PPP1R1C: variants seen among roughly 807,000 people sequenced by gnomAD.
PPP1R1C encodes protein phosphatase 1 regulatory inhibitor subunit 1C.
PPP1R1C carries 15 observed loss-of-function variants against 17.4 expected under a neutral mutation model. The ratio of observed to expected loss-of-function variants is 0.86; its 90% CI spans 0.58 to 1.33. PPP1R1C has a LOEUF of 1.33. Among genes scored for constraint, PPP1R1C ranks in the 40% most tolerant of loss-of-function variants. The probability of loss-of-function intolerance (pLI) is 0.00; values close to 1 mark genes in which losing one functional copy is unlikely to be tolerated. For missense variants in PPP1R1C, 143 were observed against 130.0 expected (o/e 1.10, Z -0.48); for synonymous variants, 35 against 43.1 (o/e 0.81, Z 0.73).
At chr2:182,110,186 T>G (rs1689374536) in intron 4 of PPP1R1C, among the ~76,000 whole-genome samples, 1 of 152,196 alleles carries the variant, frequency 6.6e-6, no homozygotes, top group South Asian at 2.1e-4. Context: ...TACTCTGATT[T>G]GATCATTTCA....
At chr2:182,016,439 G>A (rs952093863) in intron 2 of PPP1R1C, among the ~76,000 whole-genome samples, 1 of 152,168 alleles carries the variant, frequency 6.6e-6, no homozygotes, top group African/African-American at 2.4e-5. Flanking sequence ...ATGACTGCTA[G>A]AGGCTTCTAT....
intron 2 of PPP1R1C, among the ~76,000 whole-genome samples, chr2:182,058,544 T>C (rs566630041): frequency 3.5e-4 from 53 of 152,234 alleles, no homozygotes; most frequent in African/African-American, 1.3e-3. Context: ...GAGTGGGAAA[T>C]TGTGCTCTCA....
At position 181,961,925 on chromosome 2, in the gene PPP1R1C, A is replaced by T; in HGVS notation, n.111+7291A>T. 2.7e-6 allele frequency: 2 copies of T among 745,008 alleles called. No individual in the cohort carries two copies. Among genetic ancestry groups the T allele is most frequent in the Admixed American group, 3.4e-5 (2 of 58,094 alleles). The allele number at this position is 745,008 out of a possible 1,614,324, so 46.1% of individuals were successfully genotyped here. ...ACATTGGTCATCAGTGACCTTGTGG[A>T]GCCCATGGATGTCACTCCCCACAGA... On this transcript the variant is annotated intron_variant and non_coding_transcript_variant, in intron 1 of 5. Coordinates refer to the PPP1R1C transcript ENST00000464264. The surrounding 1 kb of genome is among the most constrained non-coding windows in gnomAD (Gnocchi z 5.8).
intron 5 of PPP1R1C, among the ~76,000 whole-genome samples, chr2:182,123,227 C>T (rs1214943711): frequency 6.6e-6 from 1 of 152,162 alleles, no homozygotes; most frequent in Non-Finnish European, 1.5e-5. Context: ...GTATATGTGC[C>T]ACATTTTATT....
In PPP1R1C at chr2:182,063,738, A is replaced by G. The variant is rs1345116958; in HGVS notation, c.188A>G (p.Asn63Ser). ...TTTTCTCTTTCTCCACAGTTACAGA[A>G]TGCATCCCCTAAGCAAAGGAAGCAG... Reference protein sequence around the residue: ...RGPNTQGELQNASPKQRKQSV... With the variant: ...RGPNTQGELQSASPKQRKQSV... The change falls in exon 4 of 5, where the codon AAT becomes AGT. Residue 63 changes from asparagine to serine, a missense_variant. Coordinates refer to ENST00000682840, the MANE Select transcript of PPP1R1C (RefSeq NM_001080545.3). The G allele has an allele frequency of 1.9e-6, 3 of 1,612,416 alleles. No individual in the cohort carries two copies. The highest frequency in any genetic ancestry group is 2.5e-6 in the Non-Finnish European group (3 of 1,178,830).
At chr2:182,047,534 C>G (rs532421315) in intron 2 of PPP1R1C, among the ~76,000 whole-genome samples, 1 of 152,144 alleles carries the variant, frequency 6.6e-6, no homozygotes, top group South Asian at 2.1e-4. Context: ...ATGTCATCCC[C>G]AAAGAAAACC....
intron 4 of PPP1R1C, among the ~76,000 whole-genome samples, chr2:182,076,357 A>G (rs1574431649): frequency 6.9e-6 from 1 of 144,026 alleles, no homozygotes; most frequent in South Asian, 2.1e-4. Flanking sequence ...ACCACGCCCG[A>G]CTAATTTTTT....
At chr2:182,050,469 A>G (rs1292939287) in intron 2 of PPP1R1C, among the ~76,000 whole-genome samples, 1 of 152,212 alleles carries the variant, frequency 6.6e-6, no homozygotes, top group African/African-American at 2.4e-5. Flanking sequence ...TGGATACAAA[A>G]GTGCTGCCTC....
At position 181,962,047 on chromosome 2, in the gene PPP1R1C, A is replaced by G; in HGVS notation, n.111+7413A>G. ...GCAAAACGATGCCGGCATTGTCCAC[A>G]GTATTTGCGAAGATCTGAACCCTCA... On this transcript the variant is annotated intron_variant and non_coding_transcript_variant, in intron 1 of 5. Coordinates refer to the PPP1R1C transcript ENST00000464264. The surrounding 1 kb of genome is among the most constrained non-coding windows in gnomAD (Gnocchi z 6.0). 1 of 724,182 alleles carries G rather than the reference A, an allele frequency of 1.4e-6. No individual in the cohort carries two copies. The highest frequency in any genetic ancestry group is 2.6e-6 in the Non-Finnish European group (1 of 391,288). 44.9% of individuals were successfully genotyped at this position (724,182 alleles called of 1,614,324 possible).
At chr2:182,038,786 A>G (rs1442305668) in intron 2 of PPP1R1C, among the ~76,000 whole-genome samples, 1 of 152,236 alleles carries the variant, frequency 6.6e-6, no homozygotes, top group African/African-American at 2.4e-5. Flanking sequence ...CACCCTCATC[A>G]GGAATGTAGT....
At chr2:182,027,918 C>T (rs1187878306) in intron 2 of PPP1R1C, among the ~76,000 whole-genome samples, 9 of 131,644 alleles carry the variant, frequency 6.8e-5, no homozygotes, top group African/African-American at 2.0e-4. Context: ...AGAGATTCAA[C>T]TACTTCCTGG....
At chr2:182,118,123 A>G (rs905981752), downstream of PPP1R1C, among the ~76,000 whole-genome samples, 5 of 152,162 alleles carry the variant, frequency 3.3e-5, no homozygotes, top group Non-Finnish European at 5.9e-5. Flanking sequence ...ATAAAATAAG[A>G]AATTCCATTA....
chr2:182,078,935 G>T (rs1398524849), intron 4 of PPP1R1C, among the ~76,000 whole-genome samples: 1 of 152,194 alleles, frequency 6.6e-6, no homozygotes, highest in Admixed American at 6.5e-5. Flanking sequence ...CATTCTGAAA[G>T]TATGGCCAGG....
At chr2:182,056,347 T>C (rs1308830108) in intron 2 of PPP1R1C, among the ~76,000 whole-genome samples, 23 of 152,232 alleles carry the variant, frequency 1.5e-4, no homozygotes, top group Admixed American at 1.5e-3. Context: ...GCTTTTCTTG[T>C]ATTTATGGTC....
chr2:182,117,313 G>A lies in PPP1R1C; in HGVS notation c.*18G>A, dbSNP rs566929839. On this transcript the variant is annotated 3_prime_UTR_variant, in exon 5 of 5. Transcript: ENST00000682840. ...ACCATTAATTACTGGTCTGCAGCAA[G>A]AAGGCTTCTTGGAAATAACTGAACT... 2.0e-6 allele frequency: 3 copies of A among 1,510,866 alleles called. No individual in the cohort carries two copies. Among genetic ancestry groups the A allele is most frequent in the African/African-American group, 2.8e-5 (2 of 71,166 alleles). The allele number at this position is 1,510,866 out of a possible 1,614,324, so 93.6% of individuals were successfully genotyped here.
intron 2 of PPP1R1C, among the ~76,000 whole-genome samples, chr2:182,052,649 C>T (rs981621433): frequency 6.6e-6 from 1 of 152,112 alleles, no homozygotes; most frequent in Non-Finnish European, 1.5e-5. Context: ...GCCATCACCC[C>T]AACACAGCAG....
At chr2:182,056,982 A>T (rs528062958) in intron 2 of PPP1R1C, among the ~76,000 whole-genome samples, 1 of 152,322 alleles carries the variant, frequency 6.6e-6, no homozygotes, top group Non-Finnish European at 1.5e-5. Context: ...ATTCTGCCTT[A>T]AAAAGTTTGC....
intron 4 of PPP1R1C, among the ~76,000 whole-genome samples, chr2:182,076,645 G>A (rs1204852929): frequency 6.6e-6 from 1 of 151,662 alleles, no homozygotes; most frequent in Non-Finnish European, 1.5e-5. Flanking sequence ...ATTATTCCTT[G>A]ATGTAATTCC....
downstream of PPP1R1C, among the ~76,000 whole-genome samples, chr2:182,121,399 C>G (rs140370684): frequency 9.2e-4 from 140 of 151,882 alleles, 1 homozygote; most frequent in Non-Finnish European, 1.5e-3. Context: ...ACCTCAGAGG[C>G]CTTCTATCTT....
Sources: gnomAD v4.1 joint callset for allele counts (sites outside exome capture counted in the v4.1 genomes callset) on GRCh38, gnomAD v4.1.1 for gene constraint, Gnocchi (gnomAD v3.1) non-coding constraint, MANE v1.5 for transcripts, NCBI Gene and HGNC (gene_info 2026-07-23, HGNC 2026-07-21) for gene names.